The following DLG2 variants were observed in gnomAD, a reference collection of about 807,000 sequenced individuals.
DLG2 encodes disks large homolog 2.
DLG2 carries 45 observed loss-of-function variants against 132.5 expected under a neutral mutation model. The observed-to-expected ratio is 0.34, with a 90% CI of 0.27 to 0.44. The LOEUF (loss-of-function observed/expected upper bound fraction) is 0.44, where lower values mean the gene tolerates loss of function less well. Ranked by LOEUF, DLG2 falls within the 20% of genes least tolerant of loss-of-function variation. The pLI is 1.00. For missense variants in DLG2, 1,045 were observed against 1,196.9 expected (o/e 0.87, Z 1.87); for synonymous variants, 424 against 419.6 (o/e 1.01, Z -0.13).
chr11:85,226,417 A>G (rs2074980574), intron 4 of DLG2, among the ~76,000 whole-genome samples: 2 of 152,058 alleles, frequency 1.3e-5, no homozygotes, highest in African/African-American at 2.4e-5. Context: ...TTCACATTTG[A>G]ATATGTTAGG....
chr11:84,995,487 A>G (rs1220369391), intron 6 of DLG2, among the ~76,000 whole-genome samples: 1 of 152,208 alleles, frequency 6.6e-6, no homozygotes, highest in African/African-American at 2.4e-5. Context: ...CTCTCTCCAC[A>G]GGATTATAAA....
intron 19 of DLG2, among the ~76,000 whole-genome samples, chr11:83,570,446 A>T (rs1202908454): frequency 6.6e-6 from 1 of 152,180 alleles, no homozygotes; most frequent in African/African-American, 2.4e-5. Flanking sequence ...GGTTATGGCT[A>T]TTTTTAGAAT....
In DLG2 at chr11:84,928,366, A is replaced by G. The variant is rs59737571; in HGVS notation, c.357+183295T>C. ...AAGTTACATAACTTCTCTCTGCCACAGAGTATTCCTCTGTAAAATAAAGGT... is the reference window on the plus strand; with the variant it reads ...AAGTTACATAACTTCTCTCTGCCACGGAGTATTCCTCTGTAAAATAAAGGT... On this transcript the variant is annotated intron_variant, in intron 6 of 27. Coordinates refer to ENST00000376104, the MANE Select transcript of DLG2 (RefSeq NM_001142699.3). Among the ~76,000 whole-genome samples, 760 of 152,112 alleles carry G rather than the reference A, an allele frequency of 5.0e-3. 6 individuals carry two copies. The highest frequency in any genetic ancestry group is 0.017 in the African/African-American group (694 of 41,544).
At chr11:83,724,945 G>A in intron 18 of DLG2, 1 of 702,278 alleles carries the variant, frequency 1.4e-6, no homozygotes, top group South Asian at 1.5e-5. Flanking sequence ...TGGTTGAGCT[G>A]CTTGGTGTAT....
intron 5 of DLG2, among the ~76,000 whole-genome samples, chr11:85,136,623 C>A (rs1009027470): frequency 6.6e-6 from 1 of 152,144 alleles, no homozygotes; most frequent in Non-Finnish European, 1.5e-5. Context: ...TATATTGATT[C>A]TTAGTAAAAC....
At chr11:84,246,231 T>A (rs2097300660) in intron 8 of DLG2, among the ~76,000 whole-genome samples, 1 of 152,236 alleles carries the variant, frequency 6.6e-6, no homozygotes, top group Admixed American at 6.5e-5. Context: ...AAACAATTCA[T>A]AAGTTGCAAA....
chr11:84,535,517 G>A (rs964993117), intron 6 of DLG2, among the ~76,000 whole-genome samples: 3 of 151,988 alleles, frequency 2.0e-5, no homozygotes, highest in African/African-American at 7.2e-5. Context: ...AAAGATTATT[G>A]TTTGAGTCTT....
chr11:83,464,063 G>C (rs1417524461), intron 26 of DLG2, among the ~76,000 whole-genome samples: 2 of 152,178 alleles, frequency 1.3e-5, no homozygotes, highest in Non-Finnish European at 2.9e-5. Flanking sequence ...AACAAATGGG[G>C]AGCTAGATAA....
At chr11:85,068,014 C>T (rs750571574) in intron 6 of DLG2, among the ~76,000 whole-genome samples, 8 of 151,926 alleles carry the variant, frequency 5.3e-5, no homozygotes, top group South Asian at 4.1e-4. Flanking sequence ...AATCAATAAA[C>T]GTAACCCAGC....
chr11:84,581,945 A>G (rs1046835632), intron 6 of DLG2, among the ~76,000 whole-genome samples: 2 of 151,708 alleles, frequency 1.3e-5, no homozygotes, highest in African/African-American at 4.8e-5. Context: ...AGGAAAGAAA[A>G]AAGGGAAAAC....
intron 5 of DLG2, among the ~76,000 whole-genome samples, chr11:85,144,916 G>C (rs1428234218): frequency 6.6e-6 from 1 of 152,058 alleles, no homozygotes; most frequent in Non-Finnish European, 1.5e-5. Context: ...TTACCAGTGA[G>C]TTTTGTACCT....
intron 22 of DLG2, among the ~76,000 whole-genome samples, chr11:83,481,811 A>G (rs947507871): frequency 6.6e-6 from 1 of 151,884 alleles, no homozygotes. Flanking sequence ...TGGGTAAGAC[A>G]GGGCTTTTTG....
At chr11:85,018,849 A>G (rs2059794200) in intron 6 of DLG2, among the ~76,000 whole-genome samples, 2 of 152,046 alleles carry the variant, frequency 1.3e-5, no homozygotes, top group Admixed American at 6.6e-5. Context: ...TTTTGAGGAA[A>G]AAAGGTCTGA....
chr11:85,595,525 T>C (rs2079686069), intron 3 of DLG2, among the ~76,000 whole-genome samples: 2 of 152,144 alleles, frequency 1.3e-5, no homozygotes, highest in African/African-American at 4.8e-5. Context: ...CATATTGCTG[T>C]TTCAGGGTTT....
rs187374720 is a variant in DLG2, at chr11:85,255,962, A to T, written c.186+29258T>A. On this transcript the variant is annotated intron_variant, in intron 4 of 27. Transcript: ENST00000376104. Reference sequence around the variant, plus strand: ...GTTAGGGGCAAGAAACTTCAGGAAAATTTTCATATCTTCAGCTAAAAGATA... The same window carrying T: ...GTTAGGGGCAAGAAACTTCAGGAAATTTTTCATATCTTCAGCTAAAAGATA... Among the ~76,000 whole-genome samples the T allele has an allele frequency of 9.2e-5, 14 of 152,266 alleles. No individual in the cohort carries two copies. In the East Asian group the frequency reaches 2.7e-3, roughly 29 times the overall value.
At chr11:85,566,131 T>A (rs940735843) in intron 3 of DLG2, among the ~76,000 whole-genome samples, 4 of 152,216 alleles carry the variant, frequency 2.6e-5, no homozygotes, top group African/African-American at 9.6e-5. Context: ...CATGTGCCTA[T>A]TGGTCATTTG....
chr11:84,568,677 C>T (rs1288588761), intron 6 of DLG2, among the ~76,000 whole-genome samples: 1 of 152,096 alleles, frequency 6.6e-6, no homozygotes, highest in Non-Finnish European at 1.5e-5. Context: ...AAAGAGACTC[C>T]CATAGTTGTG....
At chr11:83,550,156 A>G (rs936315898) in intron 19 of DLG2, among the ~76,000 whole-genome samples, 3 of 152,140 alleles carry the variant, frequency 2.0e-5, no homozygotes, top group Non-Finnish European at 4.4e-5. Flanking sequence ...GTCCATTTCT[A>G]TTGTTCCTAA....
intron 6 of DLG2, among the ~76,000 whole-genome samples, chr11:84,862,232 C>T (rs1005522100): frequency 2.0e-5 from 3 of 152,110 alleles, no homozygotes; most frequent in African/African-American, 7.2e-5. Flanking sequence ...CTCATTATCA[C>T]TGGTCATTAG....
Sources: allele counts gnomAD v4.1 joint callset (sites outside exome capture counted in the v4.1 genomes callset), GRCh38; gene constraint gnomAD v4.1.1; transcripts MANE v1.5; gene names NCBI Gene and HGNC (gene_info 2026-07-23, HGNC 2026-07-21).